Variants in SMC2 observed in about 807,000 individuals in gnomAD.
SMC2 encodes the protein structural maintenance of chromosomes protein 2.
Under a neutral mutation model 142.6 loss-of-function variants are expected in SMC2, and 41 were observed. That is an observed-to-expected ratio of 0.29 (90% CI 0.22 to 0.37). SMC2 has a LOEUF of 0.37. Ranked by LOEUF, SMC2 falls within the 10% of genes least tolerant of loss-of-function variation. The pLI is 1.00. For missense variants in SMC2, 1,265 were observed against 1,373.7 expected, an observed-to-expected ratio of 0.92 and a Z score of 1.25; for synonymous variants, 463 against 457.5, an observed-to-expected ratio of 1.01 and a Z score of -0.15.
chr9:104,101,674 G>T (rs190425430), intron 7 of SMC2, among the ~76,000 whole-genome samples: 3 of 152,146 alleles, frequency 2.0e-5, no homozygotes, highest in African/African-American at 7.2e-5. Flanking sequence ...GTAACATGGT[G>T]GGTGTGTAAG....
chr9:104,098,592 T>C, intron 4 of SMC2, 24 bp downstream of exon 4: 1 of 1,574,776 alleles, frequency 6.4e-7, no homozygotes. Context: ...GGTCTTTATA[T>C]CACTTTCGTA....
At chr9:104,096,064 T>A in intron 2 of SMC2, 84 bp from the exon 3 acceptor site, 6 of 1,302,978 alleles carry the variant, frequency 4.6e-6, no homozygotes, top group Non-Finnish European at 6.4e-6. Context: ...TGGTGGGTTT[T>A]CCAACAGCAA....
chr9:104,113,064 T>A (rs1832671513), intron 10 of SMC2, among the ~76,000 whole-genome samples: 1 of 152,172 alleles, frequency 6.6e-6, no homozygotes, highest in Non-Finnish European at 1.5e-5. Flanking sequence ...ATGTCATATT[T>A]TATTAAAAAT....
At chr9:104,138,421 T>C (rs138388625) in intron 24 of SMC2, among the ~76,000 whole-genome samples, 5 of 152,290 alleles carry the variant, frequency 3.3e-5, no homozygotes, top group African/African-American at 9.6e-5. Flanking sequence ...TAATACAGAA[T>C]TGATTTAGGG....
chr9:104,106,480 AC>A (rs1230130302), intron 9 of SMC2, among the ~76,000 whole-genome samples: 1 of 151,726 alleles, frequency 6.6e-6, no homozygotes, highest in Non-Finnish European at 1.5e-5. Flanking sequence ...CTTGCACTCC[AC>A]CCCCCGGGCT....
chr9:104,135,717 C>A, intron 23 of SMC2: 1 of 403,194 alleles, frequency 2.5e-6, no homozygotes, highest in Non-Finnish European at 4.8e-6. Flanking sequence ...TGCTAGTGAA[C>A]AAAAATAAAA....
At chr9:104,137,319 G>A (rs113571730) in intron 23 of SMC2, among the ~76,000 whole-genome samples, 8,623 of 151,796 alleles carry the variant, frequency 0.057, 656 homozygotes, top group African/African-American at 0.18. Flanking sequence ...TTATATATTT[G>A]TAAAGAAAAA....
chr9:104,102,666 T>A (rs1332982703), intron 9 of SMC2, 93 bp downstream of exon 9: 7 of 1,292,182 alleles, frequency 5.4e-6, no homozygotes, highest in Non-Finnish European at 6.3e-6. Flanking sequence ...ATTTAGTGAG[T>A]GTCTTCTATA....
In SMC2 at chr9:104,100,431, G is replaced by C; in HGVS notation, c.634G>C (p.Glu212Gln). Residue 212 changes from glutamate to glutamine, a missense_variant and splice_region_variant, in exon 7 of 25, where the codon GAG (glutamate) becomes CAG (glutamine). This residue lies in a region of SMC2 where 898 missense variants were observed against 904.2 expected (regional missense o/e 0.99). Coordinates refer to ENST00000374793, the MANE Select transcript of SMC2 (RefSeq NM_006444.3). Reference sequence around the variant, plus strand: ...TACTCCAACCATTCAAAAATTAAAAGAGGTATATTCTGTATATGTGAGGAT... The same window carrying C: ...TACTCCAACCATTCAAAAATTAAAACAGGTATATTCTGTATATGTGAGGAT... ...EITPTIQKLK[E>Q]ERSSYLEYQK... The C allele has an allele frequency of 2.0e-6, 3 of 1,503,802 alleles. No homozygotes were observed. Among genetic ancestry groups the C allele is most frequent in the Non-Finnish European group, 2.8e-6 (3 of 1,084,770 alleles). 93.2% of individuals were successfully genotyped at this position (1,503,802 alleles called of 1,614,324 possible).
rs943691076 is a variant in SMC2, at chr9:104,095,398, C to T, written c.14C>T (p.Ser5Leu). Residue 5 changes from serine (S) to leucine (L), a missense_variant, in exon 2 of 25, where the codon TCA (serine) becomes TTA (leucine). Coordinates refer to ENST00000374793, the MANE Select transcript of SMC2 (RefSeq NM_006444.3). MHIK[S>L]IILEGFKSYA... ...ACAGTATCGAAAATGCATATTAAGTCAATTATTCTAGAGGGATTCAAGTCC... is the reference window on the plus strand; with the variant it reads ...ACAGTATCGAAAATGCATATTAAGTTAATTATTCTAGAGGGATTCAAGTCC... The T allele has an allele frequency of 1.2e-6, 2 of 1,612,700 alleles. No homozygotes were observed. Among genetic ancestry groups the T allele is most frequent in the Non-Finnish European group, 1.7e-6 (2 of 1,179,880 alleles).
intron 19 of SMC2, among the ~76,000 whole-genome samples, chr9:104,127,051 C>G (rs1036617092): frequency 7.9e-5 from 12 of 152,164 alleles, no homozygotes; most frequent in African/African-American, 2.4e-4. Context: ...CATGAGCGTG[C>G]AGCATGAGCA....
At chr9:104,115,576 C>A (rs1832999248) in intron 13 of SMC2, among the ~76,000 whole-genome samples, 1 of 149,996 alleles carries the variant, frequency 6.7e-6, no homozygotes. Flanking sequence ...CAGAGGAAGA[C>A]TGTATCTCAA....
chr9:104,110,085 G>T (rs1485814278), intron 9 of SMC2, among the ~76,000 whole-genome samples: 1 of 152,154 alleles, frequency 6.6e-6, no homozygotes, highest in East Asian at 1.9e-4. Flanking sequence ...CCAGTAAGTT[G>T]CAGAGCTCAG....
rs920241382 is a variant in SMC2 at position 104,105,856 on chromosome 9, G to A, written c.1020+3283G>A. On this transcript the variant is annotated intron_variant, in intron 9 of 24. Coordinates refer to ENST00000374793, the MANE Select transcript of SMC2 (RefSeq NM_006444.3). ...TATCTAACATCTTATCATGTTACCC[G>A]CCATGGCCACAGCTTGGGAGGTGTT... Among the ~76,000 whole-genome samples the A allele has an allele frequency of 3.3e-5, 5 of 152,202 alleles. No homozygotes were observed. In the East Asian group the frequency reaches 5.8e-4, roughly 18 times the overall value.
chr9:104,119,234 G>A (rs1019652980), intron 15 of SMC2, among the ~76,000 whole-genome samples: 4 of 152,196 alleles, frequency 2.6e-5, no homozygotes, highest in African/African-American at 9.6e-5. Context: ...GTTTTTAAAT[G>A]TCTACAAGAG....
chr9:104,095,382 A>C lies in SMC2; in HGVS notation c.-3A>C. 6.2e-7 allele frequency: 1 copy of C among 1,612,200 alleles called. No individual in the cohort carries two copies. On this transcript the variant is annotated 5_prime_UTR_variant, in exon 2 of 25. Coordinates refer to ENST00000374793, the MANE Select transcript of SMC2 (RefSeq NM_006444.3). ...GGTTTGCTGACCCAAGACAGTATCG[A>C]AAATGCATATTAAGTCAATTATTCT...
chr9:104,105,479 G>A (rs1210309880), intron 9 of SMC2, among the ~76,000 whole-genome samples: 1 of 152,074 alleles, frequency 6.6e-6, no homozygotes, highest in African/African-American at 2.4e-5. Context: ...AGGCATTGGC[G>A]TTTGCCAGCT....
At chr9:104,129,456 C>T (rs749135210) in intron 20 of SMC2, among the ~76,000 whole-genome samples, 189 bp from the exon 21 acceptor site, 1 of 150,760 alleles carries the variant, frequency 6.6e-6, no homozygotes, top group Non-Finnish European at 1.5e-5. Flanking sequence ...CAGCCAAGAT[C>T]GCGCCATTGC....
intron 22 of SMC2, 143 bp downstream of exon 22, chr9:104,132,268 TA>T: frequency 3.6e-6 from 2 of 550,642 alleles, no homozygotes; most frequent in Non-Finnish European, 3.2e-6. Flanking sequence ...CTCTGACTTT[TA>T]AATGCATTTT....
Sources: gnomAD v4.1 joint callset for allele counts (sites outside exome capture counted in the v4.1 genomes callset) on GRCh38, gnomAD v4.1.1 for gene constraint, gnomAD v4.1.1 regional missense constraint, MANE v1.5 for transcripts, NCBI Gene and HGNC (gene_info 2026-07-23, HGNC 2026-07-21) for gene names.